TRIM14: variants seen among roughly 807,000 people sequenced by gnomAD.
TRIM14 encodes tripartite motif containing 14, also known as tripartite motif-containing protein 14.
TRIM14 carries 28 observed loss-of-function variants against 44.5 expected under a neutral mutation model. The ratio of observed to expected loss-of-function variants is 0.63; its 90% CI spans 0.47 to 0.86. The LOEUF (loss-of-function observed/expected upper bound fraction) is 0.86, where lower values mean the gene tolerates loss of function less well. Among genes scored for constraint, TRIM14 ranks in the 40% least tolerant of loss-of-function variants. TRIM14 has a pLI of 0.00. For synonymous variants in TRIM14, 299 were observed against 269.2 expected, an observed-to-expected ratio of 1.11 and a Z score of -1.08; for missense variants, 607 against 611.1, an observed-to-expected ratio of 0.99 and a Z score of 0.07.
the TRIM14 span, among the ~76,000 whole-genome samples, chr9:98,057,989 C>G: frequency 8.3e-6 from 1 of 120,286 alleles, no homozygotes; most frequent in Non-Finnish European, 1.6e-5. Context: ...GTGGCATGAT[C>G]CCGGCTCACT....
chr9:98,117,524 G>A (rs956085666), intron 1 of TRIM14, among the ~76,000 whole-genome samples: 1 of 151,970 alleles, frequency 6.6e-6, no homozygotes, highest in Non-Finnish European at 1.5e-5. Context: ...CAAACCCTTG[G>A]CCTCATGTGA....
the TRIM14 span, among the ~76,000 whole-genome samples, chr9:98,055,460 A>G: frequency 6.6e-6 from 1 of 152,216 alleles, no homozygotes; most frequent in African/African-American, 2.4e-5. Flanking sequence ...GTTGGGGGAC[A>G]CAAGATCAGA....
At chr9:98,081,745 G>A (rs1307588768), downstream of TRIM14, 1 of 152,276 alleles carries the variant, frequency 6.6e-6, no homozygotes, top group African/African-American at 2.4e-5. Context: ...CACCTAACCT[G>A]TAGGCTGTCG....
At chr9:98,094,818 A>C (rs1826122397) in intron 4 of TRIM14, 49 bp downstream of exon 4, 3 of 1,587,064 alleles carry the variant, frequency 1.9e-6, no homozygotes, top group Non-Finnish European at 2.6e-6. Flanking sequence ...TCTGGGCTAA[A>C]GGACACTAGG....
At chr9:98,038,964 C>T in the TRIM14 span, among the ~76,000 whole-genome samples, 31 of 151,354 alleles carry the variant, frequency 2.0e-4, no homozygotes, top group African/African-American at 7.3e-4. Context: ...GCAGGAGAAT[C>T]GCTTGAACCC....
Position 98,087,576 on chromosome 9 carries a change from G to T in TRIM14, c.1223C>A (p.Thr408Lys). The change falls in exon 6 of 6, where the codon ACG becomes AAG. Residue 408 changes from threonine (T) to lysine (K), a missense_variant. Physicochemically the swap from Thr to Lys is moderately conservative, Grantham distance 78 (BLOSUM62 -1). Coordinates refer to ENST00000341469, the MANE Select transcript of TRIM14 (RefSeq NM_014788.4). ...EAGVLAFYDV[T>K]GGMSHLHTFR... ...GGTATGCAGGTGGCTCATGCCGCCCGTCACGTCGTAGAAGGCGAGGACGCC... is the reference window on the plus strand; with the variant it reads ...GGTATGCAGGTGGCTCATGCCGCCCTTCACGTCGTAGAAGGCGAGGACGCC... 6.3e-7 allele frequency: 1 copy of T among 1,597,926 alleles called. No individual in the cohort carries two copies.
In TRIM14 at chr9:98,119,156, AG is replaced by A; in HGVS notation, c.32del (p.Pro11LeufsTer66). Reference protein sequence around the residue: MAGAATGSRTPGRSELVEGCG... With the variant: MAGAATGSRTXGRSELVEGCG... Reference sequence around the variant, plus strand: ...ATCCCTCGACAAGCTCCGACCTCCCAGGGGTCCGGCTCCCGGTCGCCGCGCC... The same window carrying A: ...ATCCCTCGACAAGCTCCGACCTCCCAGGGTCCGGCTCCCGGTCGCCGCGCC... On this transcript the variant is annotated frameshift_variant, in exon 1 of 6. Coordinates refer to ENST00000341469, the MANE Select transcript of TRIM14 (RefSeq NM_014788.4). LOFTEE classifies it high-confidence loss of function. 6.3e-7 allele frequency: 1 copy of A among 1,582,434 alleles called. No homozygotes were observed.
chr9:98,098,208 C>A (rs553521457), intron 3 of TRIM14, among the ~76,000 whole-genome samples: 13 of 152,136 alleles, frequency 8.5e-5, no homozygotes, highest in African/African-American at 2.9e-4. Flanking sequence ...TTCTTTATAG[C>A]GAGAAAAATG....
rs1412708479 is a variant in TRIM14 at position 98,091,987 on chromosome 9, G to A, written c.715C>T (p.Leu239Phe). ...GGCTTGGTGCTGGAAGGGTCTGAGA[G>A]CTGGCAGTTTATGCCTGTAAGGAAT... ...IRLKESINCQ[L>F]SDPSSTKPGT... Residue 239 changes from leucine to phenylalanine, a missense_variant, in exon 5 of 6, where the codon CTC (leucine) becomes TTC (phenylalanine). Leu to Phe is a conservative substitution (Grantham distance 22). Coordinates refer to ENST00000341469, the MANE Select transcript of TRIM14 (RefSeq NM_014788.4). The A allele has an allele frequency of 6.2e-7, 1 of 1,609,434 alleles. No homozygotes were observed. Among genetic ancestry groups the A allele is most frequent in the South Asian group, 1.1e-5 (1 of 90,486 alleles).
At chr9:98,073,253 C>CCAGCTCAT in intron 6 of TRIM14, among the ~76,000 whole-genome samples, 1 of 150,360 alleles carries the variant, frequency 6.7e-6, no homozygotes, top group Non-Finnish European at 1.5e-5. Context: ...CCTGTTCTCC[C>CCAGCTCAT]CAGCTCATCA....
chr9:98,099,224 G>A (rs564118762), intron 3 of TRIM14, among the ~76,000 whole-genome samples: 6 of 152,142 alleles, frequency 3.9e-5, no homozygotes, highest in African/African-American at 1.4e-4. Context: ...AGGCTGAGGT[G>A]GGCGGATCAC....
intron 3 of TRIM14, among the ~76,000 whole-genome samples, chr9:98,099,257 A>G (rs374953455): frequency 5.3e-5 from 8 of 151,648 alleles, no homozygotes; most frequent in East Asian, 3.9e-4. Flanking sequence ...GTTCAAGACC[A>G]GCCTGACCAA....
Position 98,095,559 on chromosome 9 carries a change from G to C in TRIM14, c.538-530C>G, listed in dbSNP as rs148867468. 1.1e-3 allele frequency among the ~76,000 whole-genome samples: 162 copies of C among 152,312 alleles called. No homozygotes were observed. Among genetic ancestry groups the C allele is most frequent in the African/African-American group, 3.8e-3 (156 of 41,562 alleles). ...CTGCAGTGCTGACTGAGGGGGTGTG[G>C]CCACCGCAGGGGACATGTGTCCTGT... On this transcript the variant is annotated intron_variant, in intron 3 of 5. Transcript: ENST00000341469. The surrounding 1 kb of genome is among the most constrained non-coding windows in gnomAD (Gnocchi z 4.1).
rs1278598134 is a variant in TRIM14 at position 98,087,732 on chromosome 9, C to A, written c.1067G>T (p.Gly356Val). The change falls in exon 6 of 6, where the codon GGC becomes GTC. Residue 356 changes from glycine (G) to valine (V), a missense_variant. Gly to Val is a moderately radical substitution (Grantham distance 109). Around this residue, in one of 3 missense-constraint regions of TRIM14, gnomAD observed 356 missense variants for 323.0 expected, o/e 1.10. Transcript: ENST00000341469. ...RRGASAAARL[G>V]CNRQSWCLKR... is the part of the protein sequence containing the mutation. ...GAGGCACCAGGACTGGCGGTTGCAG[C>A]CCAGGCGGGCGGCGGCCGAGGCCCC... The A allele has an allele frequency of 1.3e-5, 21 of 1,579,166 alleles. No individual in the cohort carries two copies. The highest frequency in any genetic ancestry group is 1.7e-5 in the Non-Finnish European group (20 of 1,171,076).
intron 6 of TRIM14, among the ~76,000 whole-genome samples, chr9:98,072,727 G>C (rs1169287047): frequency 6.6e-6 from 1 of 152,136 alleles, no homozygotes; most frequent in African/African-American, 2.4e-5. Context: ...CATTCTTTAA[G>C]AGCCTTTACG....
downstream of TRIM14, chr9:98,081,388 T>C: frequency 2.9e-6 from 1 of 343,210 alleles, no homozygotes; most frequent in South Asian, 4.1e-5. Context: ...CTCCAGAATA[T>C]GTAACAGGAG....
rs201617037 is a variant in TRIM14, at chr9:98,087,540, G to A, written c.1259C>T (p.Thr420Met). 1.2e-4 allele frequency: 192 copies of A among 1,595,856 alleles called. 1 individual carries two copies. The highest frequency in any genetic ancestry group is 1.6e-4 in the Admixed American group (9 of 56,904). Residue 420 changes from threonine to methionine, a missense_variant, in exon 6 of 6, where the codon ACG becomes ATG. Coordinates refer to ENST00000341469, the MANE Select transcript of TRIM14 (RefSeq NM_014788.4). The part of the protein sequence containing the change: ...GMSHLHTFRA[T>M]FQEPLYPALR... The stretch of plus-strand genomic sequence containing the variant: ...GGCCGGGTAGAGCGGCTCCTGGAAC[G>A]TGGCGCGGAAGGTATGCAGGTGGCT...
chr9:98,083,165 C>A, downstream of TRIM14: 1 of 980,308 alleles, frequency 1.0e-6, no homozygotes, highest in African/African-American at 1.6e-5. Flanking sequence ...CTGTCATCCA[C>A]CTCCACCTGC....
the TRIM14 span, among the ~76,000 whole-genome samples, chr9:98,042,778 A>G: frequency 6.6e-6 from 1 of 151,920 alleles, no homozygotes; most frequent in Admixed American, 6.6e-5. Flanking sequence ...GCTGAGGCAG[A>G]AGAATCACTT....
Sources: allele counts gnomAD v4.1 joint callset (sites outside exome capture counted in the v4.1 genomes callset), GRCh38; gene constraint gnomAD v4.1.1; regional missense constraint gnomAD v4.1.1; non-coding constraint Gnocchi (gnomAD v3.1); transcripts MANE v1.5; gene names NCBI Gene and HGNC (gene_info 2026-07-23, HGNC 2026-07-21).